Variants in PTPRN2 observed in about 807,000 individuals in gnomAD.
PTPRN2 encodes receptor-type tyrosine-protein phosphatase N2.
In PTPRN2, 74 loss-of-function variants were observed where a neutral mutation model predicts 118.8. The ratio of observed to expected loss-of-function variants is 0.62; its 90% CI spans 0.52 to 0.76. PTPRN2 has a LOEUF of 0.76. Among genes scored for constraint, PTPRN2 ranks in the 30% least tolerant of loss-of-function variants. The probability of loss-of-function intolerance (pLI) is 0.00; values close to 1 mark genes in which losing one functional copy is unlikely to be tolerated. For synonymous variants in PTPRN2, 641 were observed against 608.0 expected (o/e 1.05, Z -0.80); for missense variants, 1,481 against 1,394.4 (o/e 1.06, Z -0.99).
chr7:158,316,972 C>G (rs2151095125), intron 2 of PTPRN2, 40 bp from the exon 3 acceptor site: 1 of 1,485,422 alleles, frequency 6.7e-7, no homozygotes, highest in East Asian at 2.3e-5. Context: ...CGAGACGTTT[C>G]ATTTTCAGAG....
At chr7:158,423,121 C>A (rs1049173663) in intron 2 of PTPRN2, among the ~76,000 whole-genome samples, 1 of 152,234 alleles carries the variant, frequency 6.6e-6, no homozygotes, top group South Asian at 2.1e-4. Flanking sequence ...TTATCTCCAA[C>A]GCTGTCACTT....
intron 11 of PTPRN2, among the ~76,000 whole-genome samples, chr7:157,982,141 C>T (rs1189299149): frequency 7.5e-6 from 1 of 133,532 alleles, no homozygotes; most frequent in South Asian, 2.3e-4. Context: ...TGCAGCGTCC[C>T]CCATAAACCC....
chr7:157,773,901 C>CT lies in PTPRN2; in HGVS notation c.1789-90965dup, dbSNP rs1214521584. Among the ~76,000 whole-genome samples the CT allele has an allele frequency of 3.3e-5, 5 of 152,314 alleles. No homozygotes were observed. In the East Asian group the frequency reaches 9.6e-4, roughly 29 times the overall value. ...AACTGAGAGCTCTACACAGCACATC[C>CT]TAAGTGTCATACAGAGCACTAAGTA... is the stretch of plus-strand genomic sequence containing the variant. On this transcript the variant is annotated intron_variant, in intron 12 of 22. Coordinates refer to ENST00000389418, the MANE Select transcript of PTPRN2 (RefSeq NM_002847.5).
chr7:158,278,447 C>T (rs562047950), intron 3 of PTPRN2, among the ~76,000 whole-genome samples: 35 of 151,462 alleles, frequency 2.3e-4, no homozygotes, highest in African/African-American at 8.1e-4. Context: ...ATCCCAGCTA[C>T]GTGGGAGGCT....
In PTPRN2 at chr7:158,265,433, C is replaced by T. The variant is rs148759968; in HGVS notation, c.277+51386G>A. Among the ~76,000 whole-genome samples, 116 of 151,932 alleles carry T rather than the reference C, an allele frequency of 7.6e-4. 1 individual carries two copies. The highest frequency in any genetic ancestry group is 2.6e-3 in the African/African-American group (108 of 41,512). ...ACACCTGTGGGCACACACCTGTGGG[C>T]ACACCTGCAGGCAGGTACACACCGA... is the stretch of plus-strand genomic sequence containing the variant. On this transcript the variant is annotated intron_variant, in intron 3 of 22. Transcript: ENST00000389418.
intron 3 of PTPRN2, among the ~76,000 whole-genome samples, chr7:158,237,861 C>T (rs964500147): frequency 2.6e-5 from 4 of 152,192 alleles, no homozygotes; most frequent in African/African-American, 9.6e-5. Flanking sequence ...ACAGCGCTTA[C>T]ATGGGAGTGC....
intron 2 of PTPRN2, among the ~76,000 whole-genome samples, chr7:158,374,584 C>T (rs940256054): frequency 6.6e-6 from 1 of 152,142 alleles, no homozygotes; most frequent in Non-Finnish European, 1.5e-5. Context: ...GAACAAAGCC[C>T]GTCAACAGGA....
intron 11 of PTPRN2, among the ~76,000 whole-genome samples, chr7:158,034,583 C>T (rs1196639510): frequency 6.6e-6 from 1 of 152,170 alleles, no homozygotes; most frequent in Non-Finnish European, 1.5e-5. Context: ...AACTGTAAGT[C>T]CATTAAACCT....
chr7:158,467,296 GTTGT>G (rs759911453), intron 2 of PTPRN2, among the ~76,000 whole-genome samples: 20 of 151,828 alleles, frequency 1.3e-4, no homozygotes, highest in East Asian at 9.7e-4. Context: ...TTTTTTGTGT[GTTGT>G]TTGTTTGTTT....
At chr7:158,054,124 G>A (rs192127113) in intron 11 of PTPRN2, among the ~76,000 whole-genome samples, 72 of 152,244 alleles carry the variant, frequency 4.7e-4, no homozygotes, top group African/African-American at 1.5e-3. Context: ...GAGATGCAGA[G>A]ACCCTAGAGA....
chr7:158,439,048 G>A (rs1246677780), intron 2 of PTPRN2, among the ~76,000 whole-genome samples: 1 of 152,174 alleles, frequency 6.6e-6, no homozygotes, highest in Non-Finnish European at 1.5e-5. Flanking sequence ...TTCACTGGAA[G>A]GCTGGTCAAG....
chr7:158,296,314 G>A (rs919824521), intron 3 of PTPRN2, among the ~76,000 whole-genome samples: 1 of 152,150 alleles, frequency 6.6e-6, no homozygotes, highest in Non-Finnish European at 1.5e-5. Context: ...TAGGTAGTTG[G>A]AGGAGAGCCT....
In PTPRN2 at chr7:157,806,631, C is replaced by T. The variant is rs944179738; in HGVS notation, c.1788+92042G>A. On this transcript the variant is annotated intron_variant, in intron 12 of 22. Transcript: ENST00000389418. ...AGATATATGCATGTGTATGTGCATA[C>T]GCATGTATGTGTGTGTGTGTGTACA... is the stretch of plus-strand genomic sequence containing the variant. Among the ~76,000 whole-genome samples the T allele has an allele frequency of 9.9e-5, 15 of 152,088 alleles. No individual in the cohort carries two copies. The East Asian group carries it at 1.7e-3, about 18-fold the overall frequency.
chr7:158,398,256 T>G (rs750923860), intron 2 of PTPRN2, among the ~76,000 whole-genome samples: 4 of 152,236 alleles, frequency 2.6e-5, no homozygotes, highest in Non-Finnish European at 4.4e-5. Context: ...ACCAGGGTGG[T>G]AGCAAGATTG....
At chr7:157,565,361 G>A (rs996535525) in intron 21 of PTPRN2, among the ~76,000 whole-genome samples, 17 of 152,200 alleles carry the variant, frequency 1.1e-4, no homozygotes, top group African/African-American at 3.6e-4. Context: ...CAAAATTCCC[G>A]GTCTGTGGCT....
chr7:158,070,734 C>CGTGGTGGTGGAGGTGCCT (rs1811262876), intron 11 of PTPRN2, among the ~76,000 whole-genome samples: 1 of 97,042 alleles, frequency 1.0e-5, no homozygotes, highest in Non-Finnish European at 1.9e-5. Context: ...TGGAGGTGCC[C>CGTGGTGGTGGAGGTGCCT]GTGGTGGTGG....
chr7:157,971,487 C>T (rs777817745), intron 11 of PTPRN2, among the ~76,000 whole-genome samples: 3 of 152,128 alleles, frequency 2.0e-5, no homozygotes. Context: ...TTATTAATTT[C>T]TTTGGTATTT....
intron 11 of PTPRN2, among the ~76,000 whole-genome samples, chr7:157,923,178 CG>C (rs1798782056): frequency 6.6e-6 from 1 of 152,200 alleles, no homozygotes; most frequent in Non-Finnish European, 1.5e-5. Context: ...TTAGAGACGC[CG>C]TTCCACTGGG....
At chr7:157,829,910 C>T (rs1807442248) in intron 12 of PTPRN2, among the ~76,000 whole-genome samples, 1 of 152,256 alleles carries the variant, frequency 6.6e-6, no homozygotes, top group South Asian at 2.1e-4. Context: ...GCCTGCCCTG[C>T]ACCTCTGCAG....
Sources: gnomAD v4.1 joint callset for allele counts (sites outside exome capture counted in the v4.1 genomes callset) on GRCh38, gnomAD v4.1.1 for gene constraint, MANE v1.5 for transcripts, NCBI Gene and HGNC (gene_info 2026-07-23, HGNC 2026-07-21) for gene names.